MAN1C1: variants seen among roughly 807,000 people sequenced by gnomAD.
MAN1C1 encodes mannosidase alpha class 1C member 1, also known as mannosyl-oligosaccharide 1,2-alpha-mannosidase IC.
A neutral mutation model predicts 71.5 loss-of-function variants in MAN1C1; 49 were observed. The observed-to-expected ratio is 0.69, with a 90% confidence interval of 0.54 to 0.87. MAN1C1 has a LOEUF of 0.87. MAN1C1 is among the 40% of genes least tolerant of loss of function. The probability of loss-of-function intolerance (pLI) is 0.00; values close to 1 mark genes in which losing one functional copy is unlikely to be tolerated. For missense variants in MAN1C1, 743 were observed against 835.0 expected (o/e 0.89, Z 1.36); for synonymous variants, 352 against 343.7 (o/e 1.02, Z -0.27).
intron 1 of MAN1C1, among the ~76,000 whole-genome samples, chr1:25,670,991 C>T (rs2045985882): frequency 6.6e-6 from 1 of 152,164 alleles, no homozygotes; most frequent in African/African-American, 2.4e-5. Flanking sequence ...TTCCCCTCAC[C>T]TAAACCTCCC....
intron 1 of MAN1C1, among the ~76,000 whole-genome samples, chr1:25,650,423 T>C (rs969908229): frequency 1.3e-5 from 2 of 152,154 alleles, no homozygotes; most frequent in African/African-American, 2.4e-5. Flanking sequence ...GTGTTTGCTC[T>C]TCTGAGGCTG....
At chr1:25,629,283 C>T (rs1419817207) in intron 1 of MAN1C1, among the ~76,000 whole-genome samples, 1 of 152,144 alleles carries the variant, frequency 6.6e-6, no homozygotes, top group Non-Finnish European at 1.5e-5. Context: ...TTAGTAATGT[C>T]ATTCTTGCAG....
At chr1:25,635,347 T>C (rs552002385) in intron 1 of MAN1C1, among the ~76,000 whole-genome samples, 1 of 152,126 alleles carries the variant, frequency 6.6e-6, no homozygotes, top group Non-Finnish European at 1.5e-5. Context: ...TTTCTCAATA[T>C]GTATTTCAAG....
intron 1 of MAN1C1, among the ~76,000 whole-genome samples, chr1:25,684,349 A>G (rs796095372): frequency 2.6e-5 from 4 of 152,360 alleles, no homozygotes; most frequent in African/African-American, 9.6e-5. Context: ...GAATGGAACC[A>G]GGACTCAAAG....
rs138771024 is a variant in MAN1C1 at position 25,625,542 on chromosome 1, A to G, written c.540+7205A>G. ...AGAAAAATGGAGTAGTAAGCCAGGTACAATGGCTCATGCTTGTAATTCTAG... is the reference window on the plus strand; with the variant it reads ...AGAAAAATGGAGTAGTAAGCCAGGTGCAATGGCTCATGCTTGTAATTCTAG... On this transcript the variant is annotated intron_variant, in intron 1 of 11. Coordinates refer to ENST00000374332, the MANE Select transcript of MAN1C1 (RefSeq NM_020379.4). Among the ~76,000 whole-genome samples the G allele has an allele frequency of 1.6e-3, 237 of 152,344 alleles. 1 individual carries two copies. The highest frequency in any genetic ancestry group is 5.4e-3 in the African/African-American group (225 of 41,572).
At chr1:25,767,394 CA>C (rs1311258263) in intron 7 of MAN1C1, among the ~76,000 whole-genome samples, 2 of 127,670 alleles carry the variant, frequency 1.6e-5, no homozygotes, top group African/African-American at 3.0e-5. Flanking sequence ...CACACACACA[CA>C]CACCCCTACC....
chr1:25,676,986 T>C (rs1195778102), intron 1 of MAN1C1, among the ~76,000 whole-genome samples: 2 of 152,170 alleles, frequency 1.3e-5, no homozygotes, highest in Non-Finnish European at 2.9e-5. Flanking sequence ...CTTGATCTCA[T>C]TGTTCTGGGG....
chr1:25,669,474 A>C (rs1257373305), intron 1 of MAN1C1, among the ~76,000 whole-genome samples: 1 of 152,186 alleles, frequency 6.6e-6, no homozygotes. Context: ...GTGCTCAATA[A>C]ATACTGGCAC....
intron 1 of MAN1C1, among the ~76,000 whole-genome samples, chr1:25,670,411 G>T (rs541850028): frequency 3.9e-5 from 6 of 152,284 alleles, no homozygotes; most frequent in African/African-American, 7.2e-5. Flanking sequence ...AACTGGTTCC[G>T]CCTCTTTCAT....
In MAN1C1 at chr1:25,782,072, G is replaced by A. The variant is rs574974910; in HGVS notation, c.1651-513G>A. On this transcript the variant is annotated intron_variant, in intron 10 of 11. Transcript: ENST00000374332. This position sits in a 1 kb window ranked among gnomAD's most constrained non-coding sequence, Gnocchi z 4.4. ...TGCCCTCCAGCCTGGGCGACAAAAT[G>A]AGACCTTGTCTCAAGAAAAAAAAAT... 1.3e-5 allele frequency among the ~76,000 whole-genome samples: 2 copies of A among 150,586 alleles called. No homozygotes were observed. Among genetic ancestry groups the A allele is most frequent in the South Asian group, 2.1e-4 (1 of 4,718 alleles).
chr1:25,673,704 A>AGGT (rs1168110399), intron 1 of MAN1C1, among the ~76,000 whole-genome samples: 1 of 152,170 alleles, frequency 6.6e-6, no homozygotes, highest in Non-Finnish European at 1.5e-5. Flanking sequence ...AGCACGTCAC[A>AGGT]GAGATGTGGT....
rs1322584506 is a variant in MAN1C1 at position 25,725,978 on chromosome 1, C to T, written c.638-20690C>T. Among the ~76,000 whole-genome samples the T allele has an allele frequency of 2.0e-5, 3 of 152,174 alleles. No homozygotes were observed. The highest frequency in any genetic ancestry group is 2.9e-5 in the Non-Finnish European group (2 of 68,026). On this transcript the variant is annotated intron_variant, in intron 2 of 11. Transcript: ENST00000374332. The surrounding 1 kb of genome is among the most constrained non-coding windows in gnomAD (Gnocchi z 4.8). ...GAGGCTTTCATCTGAGTGAGCTGCC[C>T]AGCTGGGCATGGGCTGGATCACAAA...
chr1:25,716,369 G>A (rs774988850), intron 2 of MAN1C1, among the ~76,000 whole-genome samples: 2 of 152,300 alleles, frequency 1.3e-5, no homozygotes, highest in African/African-American at 4.8e-5. Context: ...GTCTCACTCT[G>A]TCACCCAGGT....
At chr1:25,656,887 G>A (rs563282747) in intron 1 of MAN1C1, among the ~76,000 whole-genome samples, 10 of 151,102 alleles carry the variant, frequency 6.6e-5, no homozygotes, top group South Asian at 4.2e-4. Context: ...GTGCAGTGGC[G>A]CGATCTTGAC....
intron 11 of MAN1C1, among the ~76,000 whole-genome samples, chr1:25,783,383 G>C (rs928865051): frequency 2.0e-5 from 3 of 152,170 alleles, no homozygotes; most frequent in African/African-American, 7.2e-5. Flanking sequence ...TGGACCATAA[G>C]GGCTCACATA....
At chr1:25,741,068 G>A (rs2047057342) in intron 2 of MAN1C1, among the ~76,000 whole-genome samples, 2 of 152,014 alleles carry the variant, frequency 1.3e-5, no homozygotes, top group South Asian at 4.1e-4. Flanking sequence ...CAGGTCTGGA[G>A]GAAGGCATGG....
chr1:25,706,418 T>C (rs1014053930), intron 2 of MAN1C1, among the ~76,000 whole-genome samples: 5 of 152,168 alleles, frequency 3.3e-5, no homozygotes, highest in African/African-American at 1.2e-4. Context: ...ACTGGAGACC[T>C]GCCTTAGGGG....
At chr1:25,726,571 G>C (rs2046834165) in intron 2 of MAN1C1, among the ~76,000 whole-genome samples, 1 of 152,090 alleles carries the variant, frequency 6.6e-6, no homozygotes, top group Non-Finnish European at 1.5e-5. Flanking sequence ...CCCCAGGTGG[G>C]CCCCATCTCA....
intron 1 of MAN1C1, among the ~76,000 whole-genome samples, chr1:25,623,395 C>T (rs1025068657): frequency 1.3e-5 from 2 of 151,564 alleles, no homozygotes; most frequent in African/African-American, 4.9e-5. Context: ...GGGCTAGAAA[C>T]AAATAGAAGG....
Sources: allele counts gnomAD v4.1 joint callset (sites outside exome capture counted in the v4.1 genomes callset), GRCh38; gene constraint gnomAD v4.1.1; non-coding constraint Gnocchi (gnomAD v3.1); transcripts MANE v1.5; gene names NCBI Gene and HGNC (gene_info 2026-07-23, HGNC 2026-07-21).